The following ASPA variants were observed in gnomAD, a reference collection of about 807,000 sequenced individuals.
ASPA encodes the protein aspartoacylase.
A neutral mutation model predicts 29.6 loss-of-function variants in ASPA; 25 were observed. That is an observed-to-expected ratio of 0.85 (90% CI 0.62 to 1.18). ASPA has a LOEUF of 1.18. Among genes scored for constraint, ASPA ranks in the 50% most tolerant of loss-of-function variants. The pLI is 0.00. For missense variants in ASPA, 333 were observed against 385.7 expected (o/e 0.86, Z 1.14); for synonymous variants, 131 against 130.3 (o/e 1.01, Z -0.04).
chr17:3,501,394 T>C lies in ASPA; in HGVS notation c.*2306T>C, dbSNP rs2073987834. 6.6e-6 allele frequency: 1 copy of C among 152,262 alleles called. No individual in the cohort carries two copies. The highest frequency in any genetic ancestry group is 2.4e-5 in the African/African-American group (1 of 41,448). 9.4% of individuals were successfully genotyped at this position (152,262 alleles called of 1,614,324 possible). A position where few individuals can be genotyped will look rare whatever the true frequency, so the allele number is the denominator to read the frequency against. On this transcript the variant is annotated 3_prime_UTR_variant, in exon 6 of 6. Transcript: ENST00000263080. ...TGGATGACTCTGAGGAATTCGAGACTTGAGTAAAGGAAGTCATGCAGATGT... is the reference window on the plus strand; with the variant it reads ...TGGATGACTCTGAGGAATTCGAGACCTGAGTAAAGGAAGTCATGCAGATGT...
At chr17:3,494,679 G>A (rs949230035) in intron 5 of ASPA, among the ~76,000 whole-genome samples, 1 of 152,082 alleles carries the variant, frequency 6.6e-6, no homozygotes, top group Non-Finnish European at 1.5e-5. Context: ...TGGCCTGCAC[G>A]CTCAATGGAA....
chr17:3,483,226 T>A (rs1245442428), intron 2 of ASPA, among the ~76,000 whole-genome samples: 1 of 152,164 alleles, frequency 6.6e-6, no homozygotes, highest in African/African-American at 2.4e-5. Context: ...ATTTATTTCA[T>A]GTTTTTTGAT....
chr17:3,476,125 G>A lies in ASPA; in HGVS notation c.-35G>A. ...TCGAATTTCCTTTGATCTCTCTTCT[G>A]AATTGCAGAAATCAGATAAAAACTA... On this transcript the variant is annotated 5_prime_UTR_variant, in exon 1 of 6. Transcript: ENST00000263080. The A allele has an allele frequency of 6.3e-7, 1 of 1,581,560 alleles. No individual in the cohort carries two copies. The highest frequency in any genetic ancestry group is 1.7e-5 in the Admixed American group (1 of 59,952).
At chr17:3,474,178 A>G (rs2073488392), upstream of ASPA, 1 of 152,262 alleles carries the variant, frequency 6.6e-6, no homozygotes, top group African/African-American at 2.4e-5. Context: ...AAACAAGGTA[A>G]GTATGGGAAA....
At chr17:3,478,312 A>G (rs1353280746) in intron 1 of ASPA, among the ~76,000 whole-genome samples, 2 of 152,230 alleles carry the variant, frequency 1.3e-5, no homozygotes, top group African/African-American at 4.8e-5. Context: ...ACACAGATCA[A>G]AACATGGACA....
chr17:3,491,647 C>T (rs1425334341), intron 4 of ASPA, among the ~76,000 whole-genome samples: 1 of 151,936 alleles, frequency 6.6e-6, no homozygotes, highest in Non-Finnish European at 1.5e-5. Context: ...ACTCCGAAGG[C>T]TGAGACATGA....
At chr17:3,474,340 G>A (rs567155825), upstream of ASPA, among the ~76,000 whole-genome samples, 3 of 152,312 alleles carry the variant, frequency 2.0e-5, no homozygotes, top group South Asian at 2.1e-4. Context: ...TGCCAGCTAC[G>A]AGTAAATAAC....
intron 3 of ASPA, among the ~76,000 whole-genome samples, chr17:3,486,318 C>A (rs186528687): frequency 1.3e-5 from 2 of 152,284 alleles, no homozygotes; most frequent in East Asian, 3.9e-4. Context: ...CAAGGCTGTT[C>A]ACTATACAGA....
intron 1 of ASPA, among the ~76,000 whole-genome samples, chr17:3,478,376 A>G (rs2073568325): frequency 6.6e-6 from 1 of 152,210 alleles, no homozygotes; most frequent in South Asian, 2.1e-4. Flanking sequence ...TTTCAGGGCA[A>G]TTATACTGCA....
intron 4 of ASPA, among the ~76,000 whole-genome samples, chr17:3,493,099 C>T (rs1473168673): frequency 6.6e-6 from 1 of 152,186 alleles, no homozygotes; most frequent in African/African-American, 2.4e-5. Context: ...AAACGTTCAT[C>T]CTGTTTGCTC....
rs1221726343 is a variant in ASPA, at chr17:3,481,578, A to G, written c.237-25A>G. Reference sequence around the variant, plus strand: ...ATTATCTCAGGCACAGATGTTGTTCATCTTTTTCTTTCTGCTTATAACAGC... The same window carrying G: ...ATTATCTCAGGCACAGATGTTGTTCGTCTTTTTCTTTCTGCTTATAACAGC... On this transcript the variant is annotated intron_variant, in intron 1 of 5. Transcript: ENST00000263080. 3.8e-6 allele frequency: 6 copies of G among 1,599,616 alleles called. No homozygotes were observed. In the African/African-American group the frequency reaches 5.4e-5, roughly 14 times the overall value.
chr17:3,492,349 C>T (rs1193919993), intron 4 of ASPA, among the ~76,000 whole-genome samples: 1 of 152,228 alleles, frequency 6.6e-6, no homozygotes, highest in African/African-American at 2.4e-5. Flanking sequence ...GTAGCAAAAA[C>T]ATACTCCTTT....
chr17:3,498,345 C>T (rs1216359063), intron 5 of ASPA, among the ~76,000 whole-genome samples: 1 of 151,946 alleles, frequency 6.6e-6, no homozygotes, highest in Non-Finnish European at 1.5e-5. Context: ...TTGAAGCAAA[C>T]TCTTTTTTAT....
At position 3,494,448 on chromosome 17, in the gene ASPA, C is replaced by A. The variant is rs765897003; in HGVS notation, c.733C>A (p.Pro245Thr). ...TGGAGAAATTGCTGCTATCATCCAT[C>A]CTAATCTGCAGGTAACATTTGTTCT... ...ENGEIAAIIHPNLQDQDWKPL... is the reference protein window; with the variant it reads ...ENGEIAAIIHTNLQDQDWKPL... The change falls in exon 5 of 6, where the codon CCT (proline) becomes ACT (threonine). Residue 245 changes from proline (P) to threonine (T), a missense_variant. By Grantham distance (38) the Pro-to-Thr change is conservative. Transcript: ENST00000263080. 1 of 1,602,208 alleles carries A rather than the reference C, an allele frequency of 6.2e-7. No individual in the cohort carries two copies. The highest frequency in any genetic ancestry group is 8.6e-7 in the Non-Finnish European group (1 of 1,169,096).
At chr17:3,478,855 T>C (rs2073578862) in intron 1 of ASPA, among the ~76,000 whole-genome samples, 1 of 152,218 alleles carries the variant, frequency 6.6e-6, no homozygotes, top group African/African-American at 2.4e-5. Flanking sequence ...CCCTAGAACC[T>C]TCCCAGTCCT....
In ASPA at chr17:3,501,095, G is replaced by A. The variant is rs1485848703; in HGVS notation, c.*2007G>A. 2 of 152,050 alleles carry A rather than the reference G, an allele frequency of 1.3e-5. No homozygotes were observed. The highest frequency in any genetic ancestry group is 2.4e-5 in the African/African-American group (1 of 41,368). The allele number at this position is 152,050 out of a possible 1,614,324, so 9.4% of individuals were successfully genotyped here. A position where few individuals can be genotyped will look rare whatever the true frequency, so the allele number is the denominator to read the frequency against. ...CCAGCCGAAGCCCATGGATCAAGGC[G>A]TCATTGTGACTTTCAAATCTAACTA... On this transcript the variant is annotated 3_prime_UTR_variant, in exon 6 of 6. Transcript: ENST00000263080.
intron 5 of ASPA, 27 bp from the exon 6 acceptor site, chr17:3,498,864 A>G (rs993086856): frequency 1.3e-6 from 2 of 1,491,952 alleles, no homozygotes; most frequent in Admixed American, 2.5e-5. Flanking sequence ...CAAATATAAT[A>G]TATTTATTTT....
At chr17:3,498,853 C>G in intron 5 of ASPA, 38 bp from the exon 6 acceptor site, 1 of 1,451,834 alleles carries the variant, frequency 6.9e-7, no homozygotes, top group Non-Finnish European at 9.1e-7. Context: ...AGGAGAAAAA[C>G]CAAATATAAT....
At position 3,500,372 on chromosome 17, in the gene ASPA, C is replaced by G. The variant is rs2073975055; in HGVS notation, c.*1284C>G. 1 of 152,314 alleles carries G rather than the reference C, an allele frequency of 6.6e-6. No individual in the cohort carries two copies. Among genetic ancestry groups the G allele is most frequent in the Non-Finnish European group, 1.5e-5 (1 of 68,140 alleles). 9.4% of individuals were successfully genotyped at this position (152,314 alleles called of 1,614,324 possible). ...AAGATGCTATCTAGGACTTTCCTAG[C>G]TAGAGGGGAGAAATGAATGCCTAGC... On this transcript the variant is annotated 3_prime_UTR_variant, in exon 6 of 6. Transcript: ENST00000263080.
Sources: allele counts gnomAD v4.1 joint callset (sites outside exome capture counted in the v4.1 genomes callset), GRCh38; gene constraint gnomAD v4.1.1; transcripts MANE v1.5; gene names NCBI Gene and HGNC (gene_info 2026-07-23, HGNC 2026-07-21).